Variants in NTNG1 observed in about 807,000 individuals in gnomAD.
NTNG1 encodes netrin-G1.
A neutral mutation model predicts 54.0 loss-of-function variants in NTNG1; 16 were observed. The observed-to-expected ratio is 0.30, with a 90% CI of 0.20 to 0.45. The LOEUF (loss-of-function observed/expected upper bound fraction) is 0.45, where lower values mean the gene tolerates loss of function less well. NTNG1 is among the 20% of genes least tolerant of loss of function. The pLI, the probability that NTNG1 is intolerant of heterozygous loss-of-function variation, is 1.00. For missense variants in NTNG1, 530 were observed against 678.7 expected (o/e 0.78, Z 2.43); for synonymous variants, 255 against 263.1 (o/e 0.97, Z 0.30).
At chr1:107,422,201 ATT>A in intron 5 of NTNG1, among the ~76,000 whole-genome samples, 1 of 152,216 alleles carries the variant, frequency 6.6e-6, no homozygotes, top group Admixed American at 6.6e-5. Context: ...TAGGTTTGAA[ATT>A]TTTGGAAATA....
chr1:107,210,961 A>G (rs573850478), intron 2 of NTNG1, among the ~76,000 whole-genome samples: 5 of 152,214 alleles, frequency 3.3e-5, no homozygotes, highest in Admixed American at 3.3e-4. Flanking sequence ...TCTCCATTCT[A>G]TTGAGATGCC....
In NTNG1 at chr1:107,418,003, A is replaced by G. The variant is rs186378819; in HGVS notation, c.1087+10295A>G. 1.8e-3 allele frequency among the ~76,000 whole-genome samples: 270 copies of G among 152,170 alleles called. 2 individuals are homozygous for G. Among genetic ancestry groups the G allele is most frequent in the African/African-American group, 6.2e-3 (256 of 41,542 alleles). Reference sequence around the variant, plus strand: ...CCCATACAAACAAACCTTAAATACAACTGGAAGCATCTTGGACTTTTCTCC... The same window carrying G: ...CCCATACAAACAAACCTTAAATACAGCTGGAAGCATCTTGGACTTTTCTCC... On this transcript the variant is annotated intron_variant, in intron 5 of 7. Coordinates refer to ENST00000370068, the MANE Select transcript of NTNG1 (RefSeq NM_001113226.3).
At chr1:107,207,077 T>A (rs1376822804) in intron 2 of NTNG1, among the ~76,000 whole-genome samples, 1 of 152,266 alleles carries the variant, frequency 6.6e-6, no homozygotes, top group East Asian at 1.9e-4. Context: ...GTGAAGTGTG[T>A]TTCGGAGATG....
intron 2 of NTNG1, chr1:107,261,092 G>A (rs1350750253): frequency 6.6e-6 from 1 of 152,154 alleles, no homozygotes; most frequent in Non-Finnish European, 1.5e-5. Flanking sequence ...GATATTACTC[G>A]TTCTTTAATT....
chr1:107,336,043 A>T (rs1271882723), intron 3 of NTNG1, among the ~76,000 whole-genome samples: 1 of 151,908 alleles, frequency 6.6e-6, no homozygotes, highest in East Asian at 1.9e-4. Context: ...TCTCTATCAA[A>T]ATCCCATTGA....
At chr1:107,435,621 A>T (rs1207774802) in intron 6 of NTNG1, among the ~76,000 whole-genome samples, 1 of 152,144 alleles carries the variant, frequency 6.6e-6, no homozygotes, top group African/African-American at 2.4e-5. Context: ...CTAATATGCC[A>T]AACTTGATTA....
chr1:107,162,420 A>G (rs897886971), intron 2 of NTNG1, among the ~76,000 whole-genome samples: 3 of 152,186 alleles, frequency 2.0e-5, no homozygotes, highest in Non-Finnish European at 4.4e-5. Context: ...AATAGATTTT[A>G]TGATGTATCA....
chr1:107,417,448 T>C (rs1402528508), intron 5 of NTNG1, among the ~76,000 whole-genome samples: 1 of 152,134 alleles, frequency 6.6e-6, no homozygotes, highest in African/African-American at 2.4e-5. Context: ...TACAGTAGCA[T>C]AGCCACTTGG....
intron 3 of NTNG1, among the ~76,000 whole-genome samples, chr1:107,352,454 A>T (rs12029417): frequency 6.7e-6 from 1 of 149,526 alleles, no homozygotes; most frequent in South Asian, 2.1e-4. Context: ...GACCCACTAG[A>T]CAATGCTCAA....
At chr1:107,244,761 T>C (rs1662077430) in intron 2 of NTNG1, among the ~76,000 whole-genome samples, 1 of 152,194 alleles carries the variant, frequency 6.6e-6, no homozygotes, top group East Asian at 1.9e-4. Context: ...CTTACACAGA[T>C]CTTCTGAATG....
chr1:107,353,419 A>G (rs1669748094), intron 3 of NTNG1, among the ~76,000 whole-genome samples: 1 of 152,200 alleles, frequency 6.6e-6, no homozygotes, highest in African/African-American at 2.4e-5. Context: ...CATTTTTGCT[A>G]ACACATAACA....
At chr1:107,143,190 T>C (rs1653861977) in intron 1 of NTNG1, 1 of 152,170 alleles carries the variant, frequency 6.6e-6, no homozygotes, top group South Asian at 2.1e-4. Flanking sequence ...CTGTGGAATT[T>C]AAGACGGATA....
At chr1:107,323,740 C>G (rs117846080) in intron 2 of NTNG1, among the ~76,000 whole-genome samples, 2 of 150,174 alleles carry the variant, frequency 1.3e-5, no homozygotes, top group Non-Finnish European at 3.0e-5. Flanking sequence ...CATTATGAAG[C>G]AAGGACCCAG....
intron 7 of NTNG1, among the ~76,000 whole-genome samples, chr1:107,463,662 T>C (rs752495793): frequency 1.3e-5 from 2 of 152,158 alleles, no homozygotes; most frequent in Non-Finnish European, 2.9e-5. Flanking sequence ...ATGTAAGAGT[T>C]TTTGTCAGCA....
intron 2 of NTNG1, among the ~76,000 whole-genome samples, chr1:107,249,173 A>ATAC (rs1458781942): frequency 1.3e-5 from 2 of 149,700 alleles, no homozygotes; most frequent in African/African-American, 4.9e-5. Flanking sequence ...AATAATAATA[A>ATAC]TAATAATAAT....
rs149366522 is a variant in NTNG1, at chr1:107,321,195, C to T, written c.247-3087C>T. ...TTATGCTTGTTTGTTTAGTGCCTGT[C>T]CCCCAACTAGGATGGAAGTGCCACA... On this transcript the variant is annotated intron_variant, in intron 2 of 7. Coordinates refer to ENST00000370068, the MANE Select transcript of NTNG1 (RefSeq NM_001113226.3). 5.3e-5 allele frequency among the ~76,000 whole-genome samples: 8 copies of T among 152,142 alleles called. No individual in the cohort carries two copies. In the East Asian group the frequency reaches 1.5e-3, roughly 29 times the overall value.
Position 107,352,024 on chromosome 1 carries a change from G to C in NTNG1, c.887+27102G>C, listed in dbSNP as rs185683133. Among the ~76,000 whole-genome samples, 111 of 152,368 alleles carry C rather than the reference G, an allele frequency of 7.3e-4. 1 individual carries two copies. The highest frequency in any genetic ancestry group is 2.6e-3 in the African/African-American group (109 of 41,592). On this transcript the variant is annotated intron_variant, in intron 3 of 7. Transcript: ENST00000370068. Reference sequence around the variant, plus strand: ...CCATGTTTCACATCCAGGGCACAGTGGTGCAAGGGGTGGGCTCCCAAAGCC... The same window carrying C: ...CCATGTTTCACATCCAGGGCACAGTCGTGCAAGGGGTGGGCTCCCAAAGCC...
chr1:107,469,952 G>A (rs1677871989), intron 7 of NTNG1, among the ~76,000 whole-genome samples: 1 of 151,986 alleles, frequency 6.6e-6, no homozygotes, highest in African/African-American at 2.4e-5. Context: ...CTGTCACTGT[G>A]GCTCAATCTA....
intron 6 of NTNG1, 103 bp downstream of exon 6, chr1:107,431,020 T>A (rs1675228001): frequency 1.9e-6 from 2 of 1,028,254 alleles, no homozygotes; most frequent in Non-Finnish European, 2.8e-6. Flanking sequence ...TGAGCCAGAA[T>A]GAACTTTCTC....
Sources: allele counts gnomAD v4.1 joint callset (sites outside exome capture counted in the v4.1 genomes callset), GRCh38; gene constraint gnomAD v4.1.1; transcripts MANE v1.5; gene names NCBI Gene and HGNC (gene_info 2026-07-23, HGNC 2026-07-21).